Variants in SCRG1 observed in about 807,000 individuals in gnomAD.
The protein encoded by SCRG1 is scrapie-responsive protein 1.
In SCRG1, 3 loss-of-function variants were observed where a neutral mutation model predicts 7.7. The observed-to-expected ratio is 0.39, with a 90% CI of 0.18 to 1.01. The LOEUF is 1.01. Ranked by LOEUF, SCRG1 falls within the 50% of genes least tolerant of loss-of-function variation. The probability of loss-of-function intolerance (pLI) is 0.36; values close to 1 mark genes in which losing one functional copy is unlikely to be tolerated. For synonymous variants in SCRG1, 46 were observed against 41.2 expected, an observed-to-expected ratio of 1.12 and a Z score of -0.44; for missense variants, 110 against 117.2, an observed-to-expected ratio of 0.94 and a Z score of 0.28.
At chr4:173,467,471 G>A in the SCRG1 span, among the ~76,000 whole-genome samples, 2 of 152,162 alleles carry the variant, frequency 1.3e-5, no homozygotes, top group African/African-American at 2.4e-5. Context: ...ATGTGAGCAT[G>A]GGGAGAGTAG....
chr4:173,475,166 A>G, the SCRG1 span, among the ~76,000 whole-genome samples: 15 of 152,192 alleles, frequency 9.9e-5, no homozygotes, highest in Admixed American at 2.0e-4. Context: ...AGCCTCTACT[A>G]GGATTTTGAG....
the SCRG1 span, among the ~76,000 whole-genome samples, chr4:173,515,040 G>A: frequency 1.3e-5 from 2 of 152,184 alleles, no homozygotes; most frequent in Admixed American, 6.5e-5. This position sits in a 1 kb window ranked among gnomAD's most constrained non-coding sequence, Gnocchi z 4.6. Context: ...TATGTTGGAA[G>A]CTGATAGGCA....
chr4:173,440,189 C>T, the SCRG1 span, among the ~76,000 whole-genome samples: 10 of 152,200 alleles, frequency 6.6e-5, no homozygotes, highest in East Asian at 3.9e-4. Context: ...GTATGTTTAC[C>T]GTAAAGAATT....
At chr4:173,515,248 A>C in the SCRG1 span, among the ~76,000 whole-genome samples, 147,956 of 152,218 alleles carry the variant, frequency 0.97, 72,057 homozygotes, top group Middle Eastern at 1. The surrounding 1 kb of genome is among the most constrained non-coding windows in gnomAD (Gnocchi z 4.6). Flanking sequence ...TAAAATTATT[A>C]CCCCCTGCCC....
the SCRG1 span, among the ~76,000 whole-genome samples, chr4:173,453,395 C>T: frequency 1.3e-5 from 2 of 152,238 alleles, no homozygotes; most frequent in Non-Finnish European, 2.9e-5. Context: ...CACTTAATAA[C>T]AGAGATGTTG....
chr4:173,475,187 C>T, the SCRG1 span, among the ~76,000 whole-genome samples: 2 of 152,172 alleles, frequency 1.3e-5, no homozygotes, highest in African/African-American at 4.8e-5. Context: ...TTTACAGAGA[C>T]AAGGCCTTGG....
At chr4:173,393,659 C>T (rs1414350965) in intron 1 of SCRG1, among the ~76,000 whole-genome samples, 1 of 151,912 alleles carries the variant, frequency 6.6e-6, no homozygotes, top group Admixed American at 6.6e-5. Context: ...TGTTGAAGTC[C>T]ACTCTTTCTT....
chr4:173,480,353 TTTTG>T, the SCRG1 span, among the ~76,000 whole-genome samples: 6 of 152,252 alleles, frequency 3.9e-5, no homozygotes, highest in African/African-American at 1.4e-4. Flanking sequence ...GACTGGTTTT[TTTTG>T]TTTGTTTGTT....
chr4:173,389,865 T>C (rs1449387248), intron 2 of SCRG1: 1 of 435,662 alleles, frequency 2.3e-6, no homozygotes, highest in East Asian at 7.1e-5. Flanking sequence ...TTCACAGATT[T>C]CTTAGAAGGA....
At chr4:173,460,359 C>T in the SCRG1 span, among the ~76,000 whole-genome samples, 4 of 152,186 alleles carry the variant, frequency 2.6e-5, 1 homozygote, top group Admixed American at 6.5e-5. Context: ...CTGGCATCAC[C>T]CCTCCTCTAG....
chr4:173,517,145 C>T, the SCRG1 span, among the ~76,000 whole-genome samples: 2 of 151,794 alleles, frequency 1.3e-5, no homozygotes, highest in African/African-American at 4.8e-5. Flanking sequence ...ACCGTCCCCC[C>T]GGGAGGCTCG....
At chr4:173,460,581 G>A in the SCRG1 span, among the ~76,000 whole-genome samples, 1 of 152,124 alleles carries the variant, frequency 6.6e-6, no homozygotes, top group Non-Finnish European at 1.5e-5. Flanking sequence ...AGGGAACCCC[G>A]TGCCCTGAAG....
chr4:173,389,400 G>A (rs1293223669), intron 2 of SCRG1, among the ~76,000 whole-genome samples: 7 of 152,180 alleles, frequency 4.6e-5, no homozygotes, highest in African/African-American at 7.2e-5. Context: ...GCCGGGCGAG[G>A]TGGCGGGCGC....
chr4:173,439,262 T>G, the SCRG1 span, among the ~76,000 whole-genome samples: 1 of 152,170 alleles, frequency 6.6e-6, no homozygotes, highest in African/African-American at 2.4e-5. Flanking sequence ...TAAAGATTTT[T>G]GGGCCTATAA....
chr4:173,443,949 G>T, the SCRG1 span, among the ~76,000 whole-genome samples: 1 of 116,482 alleles, frequency 8.6e-6, no homozygotes, highest in African/African-American at 2.9e-5. Context: ...TGTTTTGTGT[G>T]TGTGTGTGTG....
the SCRG1 span, among the ~76,000 whole-genome samples, chr4:173,507,113 A>G: frequency 6.6e-6 from 1 of 152,230 alleles, no homozygotes; most frequent in Non-Finnish European, 1.5e-5. The surrounding 1 kb of genome is among the most constrained non-coding windows in gnomAD (Gnocchi z 4.4). Flanking sequence ...GTCTGGTGCC[A>G]TGAAGGGAAG....
At chr4:173,480,724 G>A in the SCRG1 span, among the ~76,000 whole-genome samples, 1 of 151,994 alleles carries the variant, frequency 6.6e-6, no homozygotes, top group Non-Finnish European at 1.5e-5. Flanking sequence ...TTTATTAAGT[G>A]GCATATATTG....
intron 1 of SCRG1, among the ~76,000 whole-genome samples, 172 bp from the exon 2 acceptor site, chr4:173,391,600 T>A (rs1739448120): frequency 6.6e-6 from 1 of 152,174 alleles, no homozygotes; most frequent in African/African-American, 2.4e-5. Context: ...CCATCTATGA[T>A]AAAAAACCAT....
the SCRG1 span, among the ~76,000 whole-genome samples, chr4:173,508,970 C>T: frequency 1.1e-4 from 16 of 152,300 alleles, no homozygotes; most frequent in East Asian, 2.1e-3. The surrounding 1 kb of genome is among the most constrained non-coding windows in gnomAD (Gnocchi z 4.4). Flanking sequence ...AGCCAGCTTC[C>T]CTGTTTCTTA....
Sources: gnomAD v4.1 joint callset for allele counts (sites outside exome capture counted in the v4.1 genomes callset) on GRCh38, gnomAD v4.1.1 for gene constraint, Gnocchi (gnomAD v3.1) non-coding constraint, MANE v1.5 for transcripts, NCBI Gene and HGNC (gene_info 2026-07-23, HGNC 2026-07-21) for gene names.